SH3RF3: variants seen among roughly 807,000 people sequenced by gnomAD.
The protein encoded by SH3RF3 is SH3 domain containing ring finger 3.
In SH3RF3, 29 loss-of-function variants were observed where a neutral mutation model predicts 66.3. The ratio of observed to expected loss-of-function variants is 0.44; its 90% CI spans 0.33 to 0.60. The LOEUF (loss-of-function observed/expected upper bound fraction) is 0.60, where lower values mean the gene tolerates loss of function less well. Ranked by LOEUF, SH3RF3 falls within the 20% of genes least tolerant of loss-of-function variation. SH3RF3 has a pLI of 0.04. For synonymous variants in SH3RF3, 583 were observed against 532.0 expected (o/e 1.10, Z -1.32); for missense variants, 1,194 against 1,190.9 (o/e 1.00, Z -0.04).
chr2:109,437,586 G>A (rs1365018543), intron 7 of SH3RF3, among the ~76,000 whole-genome samples: 1 of 152,206 alleles, frequency 6.6e-6, no homozygotes, highest in Non-Finnish European at 1.5e-5. Flanking sequence ...GGCCCTGCAG[G>A]GCTTCCCAGC....
At chr2:109,299,413 AG>A (rs1399639785) in intron 1 of SH3RF3, among the ~76,000 whole-genome samples, 13 of 149,756 alleles carry the variant, frequency 8.7e-5, no homozygotes, top group Non-Finnish European at 1.8e-4. Context: ...CACATCCTTG[AG>A]TGGCCATCCT....
At chr2:109,443,995 A>T (rs143419983) in intron 7 of SH3RF3, among the ~76,000 whole-genome samples, 54 of 152,336 alleles carry the variant, frequency 3.5e-4, no homozygotes, top group African/African-American at 1.3e-3. Context: ...CTGGGCCATG[A>T]TATTTTTAAG....
chr2:109,304,634 T>A (rs1078251), intron 1 of SH3RF3, among the ~76,000 whole-genome samples: 47,268 of 152,112 alleles, frequency 0.31, 9,055 homozygotes, highest in African/African-American at 0.54. Flanking sequence ...TTTGAGTTTG[T>A]ATTTAAATGA....
At chr2:109,424,117 T>C (rs1676967350) in intron 5 of SH3RF3, among the ~76,000 whole-genome samples, 1 of 152,076 alleles carries the variant, frequency 6.6e-6, no homozygotes, top group Non-Finnish European at 1.5e-5. Flanking sequence ...GGCCCTGAGA[T>C]GGGGAGGTTT....
chr2:109,237,962 A>G (rs1391827422), intron 1 of SH3RF3, among the ~76,000 whole-genome samples: 1 of 152,236 alleles, frequency 6.6e-6, no homozygotes, highest in Non-Finnish European at 1.5e-5. Flanking sequence ...TGACCACGCA[A>G]TGGCTCATGC....
At chr2:109,217,690 T>C (rs1574510116) in intron 1 of SH3RF3, among the ~76,000 whole-genome samples, 1 of 152,214 alleles carries the variant, frequency 6.6e-6, no homozygotes, top group African/African-American at 2.4e-5. Flanking sequence ...AGACCAGATG[T>C]CCGAAGACCT....
At chr2:109,437,245 G>A (rs935168504) in intron 7 of SH3RF3, 99 bp downstream of exon 7, 4 of 1,450,612 alleles carry the variant, frequency 2.8e-6, no homozygotes, top group Non-Finnish European at 2.7e-6. Flanking sequence ...AGCAGTGCAT[G>A]TGTGGCTGGT....
chr2:109,296,221 CTAG>C (rs1574556560), intron 1 of SH3RF3, among the ~76,000 whole-genome samples: 1 of 151,382 alleles, frequency 6.6e-6, no homozygotes, highest in African/African-American at 2.4e-5. Context: ...ACAGAATGAC[CTAG>C]TATTATTATT....
At chr2:109,362,424 G>A (rs936624834) in intron 2 of SH3RF3, among the ~76,000 whole-genome samples, 3 of 152,144 alleles carry the variant, frequency 2.0e-5, no homozygotes, top group Non-Finnish European at 4.4e-5. Context: ...TGGCCTGAGA[G>A]TAGACATTGT....
At chr2:109,367,462 A>G (rs2105660516) in intron 2 of SH3RF3, among the ~76,000 whole-genome samples, 1 of 151,790 alleles carries the variant, frequency 6.6e-6, no homozygotes, top group African/African-American at 2.4e-5. Flanking sequence ...TTGTATTTTT[A>G]ATAGAAACGG....
rs531056294 is a variant in SH3RF3, at chr2:109,449,171, T to C, written c.1830T>C (p.Ala610=). The part of the protein sequence containing the change: ...ASQARSTIST[A]AHSAAQAQDR... ...CTGTCTCTCCAACCCCGTCTCCAGC[T>C]GCCCACTCTGCAGCCCAGGCTCAGG... Residue 610 remains alanine, a splice_region_variant and synonymous_variant, in exon 8 of 10, where the codon GCT becomes GCC. Coordinates refer to ENST00000309415, the MANE Select transcript of SH3RF3 (RefSeq NM_001099289.3). 5.0e-6 allele frequency: 8 copies of C among 1,613,254 alleles called. No individual in the cohort carries two copies. In the African/African-American group the frequency reaches 9.3e-5, roughly 19 times the overall value.
At chr2:109,357,189 G>GT (rs113404349) in intron 2 of SH3RF3, among the ~76,000 whole-genome samples, 4,520 of 147,140 alleles carry the variant, frequency 0.031, 161 homozygotes, top group African/African-American at 0.088. Flanking sequence ...TTGTTTTTTG[G>GT]TTTTTTTTTT....
intron 7 of SH3RF3, among the ~76,000 whole-genome samples, chr2:109,440,375 A>G (rs10195703): frequency 0.016 from 2,444 of 152,348 alleles, 57 homozygotes; most frequent in African/African-American, 0.054. Flanking sequence ...AAAGACCCGC[A>G]GTGAAGCCGA....
intron 8 of SH3RF3, among the ~76,000 whole-genome samples, chr2:109,455,289 T>C (rs1184389270): frequency 2.6e-5 from 4 of 152,144 alleles, no homozygotes; most frequent in Non-Finnish European, 4.4e-5. Context: ...GTGTCTGCCT[T>C]CTGGGTCCAC....
At chr2:109,477,799 G>A (rs1678727165) in intron 8 of SH3RF3, among the ~76,000 whole-genome samples, 1 of 152,214 alleles carries the variant, frequency 6.6e-6, no homozygotes, top group Non-Finnish European at 1.5e-5. Flanking sequence ...AATAGGGCAA[G>A]GGAGCTCTCA....
intron 1 of SH3RF3, among the ~76,000 whole-genome samples, chr2:109,151,548 T>C (rs539230928): frequency 2.4e-4 from 36 of 152,378 alleles, no homozygotes; most frequent in African/African-American, 8.2e-4. Flanking sequence ...TTTAACCCAC[T>C]GTATCCAAAA....
intron 1 of SH3RF3, among the ~76,000 whole-genome samples, chr2:109,133,150 G>A (rs374184738): frequency 1.3e-5 from 2 of 152,160 alleles, no homozygotes; most frequent in Admixed American, 1.3e-4. Context: ...GGCACTGACC[G>A]GTGTCACTCC....
At chr2:109,174,080 C>T (rs1677863606) in intron 1 of SH3RF3, among the ~76,000 whole-genome samples, 1 of 152,352 alleles carries the variant, frequency 6.6e-6, no homozygotes, top group African/African-American at 2.4e-5. Context: ...CCATAGCCTT[C>T]CTTGCCTGTG....
intron 9 of SH3RF3, among the ~76,000 whole-genome samples, chr2:109,491,477 C>A (rs747353648): frequency 9.2e-5 from 14 of 152,220 alleles, no homozygotes; most frequent in Non-Finnish European, 2.1e-4. Context: ...TGCCCATATT[C>A]ATTCATTTCG....
Sources: allele counts gnomAD v4.1 joint callset (sites outside exome capture counted in the v4.1 genomes callset), GRCh38; gene constraint gnomAD v4.1.1; transcripts MANE v1.5; gene names NCBI Gene and HGNC (gene_info 2026-07-23, HGNC 2026-07-21).